CAMK1D: variants seen among roughly 807,000 people sequenced by gnomAD.
CAMK1D encodes the protein calcium/calmodulin-dependent protein kinase type 1D.
A neutral mutation model predicts 47.7 loss-of-function variants in CAMK1D; 9 were observed. That is an observed-to-expected ratio of 0.19 (90% CI 0.11 to 0.33). The LOEUF is 0.33. Ranked by LOEUF, CAMK1D falls within the 10% of genes least tolerant of loss-of-function variation. The probability of loss-of-function intolerance (pLI) is 1.00; values close to 1 mark genes in which losing one functional copy is unlikely to be tolerated. For missense variants in CAMK1D, 291 were observed against 488.7 expected (o/e 0.60, Z 3.81); for synonymous variants, 184 against 184.9 (o/e 0.99, Z 0.04).
intron 7 of CAMK1D, 56 bp downstream of exon 7, chr10:12,814,363 A>C: frequency 9.0e-7 from 1 of 1,114,822 alleles, no homozygotes; most frequent in Non-Finnish European, 1.4e-6. Context: ...TTACACCCAG[A>C]CCACGTGACC....
At chr10:12,416,448 A>G (rs1038067302) in intron 1 of CAMK1D, among the ~76,000 whole-genome samples, 22 of 152,212 alleles carry the variant, frequency 1.4e-4, no homozygotes, top group Admixed American at 1.4e-3. Context: ...TTGGAAAAAG[A>G]GTGTAGCACA....
intron 2 of CAMK1D, among the ~76,000 whole-genome samples, chr10:12,594,523 GAC>G (rs1838087980): frequency 6.6e-6 from 1 of 152,184 alleles, no homozygotes; most frequent in Non-Finnish European, 1.5e-5. Context: ...CCAAGAGTCA[GAC>G]AGAATGTGGA....
intron 1 of CAMK1D, among the ~76,000 whole-genome samples, chr10:12,517,668 A>C (rs139666350): frequency 6.6e-6 from 1 of 152,338 alleles, no homozygotes; most frequent in East Asian, 1.9e-4. Context: ...ATGGTAGATT[A>C]TATCGGTTGA....
At chr10:12,756,532 T>C (rs1248097691) in intron 3 of CAMK1D, among the ~76,000 whole-genome samples, 1 of 152,228 alleles carries the variant, frequency 6.6e-6, no homozygotes, top group Admixed American at 6.5e-5. Context: ...CATACTGAAA[T>C]TTTACTGAGA....
intron 2 of CAMK1D, among the ~76,000 whole-genome samples, chr10:12,562,235 G>A (rs1220343277): frequency 6.6e-6 from 1 of 152,084 alleles, no homozygotes; most frequent in African/African-American, 2.4e-5. Context: ...GGGAGGTGAA[G>A]AGACCACCCC....
intron 1 of CAMK1D, among the ~76,000 whole-genome samples, chr10:12,405,766 C>A (rs1839400324): frequency 6.6e-6 from 1 of 152,182 alleles, no homozygotes; most frequent in Non-Finnish European, 1.5e-5. Flanking sequence ...ATTGTTTAAT[C>A]TGCTTTACAA....
At chr10:12,810,858 G>C (rs796476481) in intron 6 of CAMK1D, among the ~76,000 whole-genome samples, 26 of 152,366 alleles carry the variant, frequency 1.7e-4, no homozygotes, top group African/African-American at 6.3e-4. Context: ...TTTAAAAAGA[G>C]GGATGTGCAA....
intron 4 of CAMK1D, 24 bp downstream of exon 4, chr10:12,761,110 C>CCTGCAGCCACT: frequency 6.2e-7 from 1 of 1,607,734 alleles, no homozygotes; most frequent in South Asian, 1.1e-5. Context: ...TCAGCAGCAT[C>CCTGCAGCCACT]CTGCAGCCAC....
chr10:12,782,981 G>GTTTTT (rs869155068), intron 5 of CAMK1D, among the ~76,000 whole-genome samples: 8 of 134,928 alleles, frequency 5.9e-5, no homozygotes, highest in African/African-American at 1.9e-4. Context: ...AGTATTTTCA[G>GTTTTT]TTTTTTTTTT....
chr10:12,430,818 T>C (rs913365333), intron 1 of CAMK1D, among the ~76,000 whole-genome samples: 1 of 152,190 alleles, frequency 6.6e-6, no homozygotes, highest in African/African-American at 2.4e-5. Context: ...TGGTGCAATC[T>C]CAGCTCACTG....
chr10:12,607,091 G>C (rs1838484103), intron 2 of CAMK1D, among the ~76,000 whole-genome samples: 1 of 152,112 alleles, frequency 6.6e-6, no homozygotes. Context: ...CTCCCAAAGT[G>C]CTGGGATTAT....
In CAMK1D at chr10:12,427,927, C is replaced by T. The variant is rs574465209; in HGVS notation, c.92+78017C>T. 4.2e-4 allele frequency among the ~76,000 whole-genome samples: 63 copies of T among 151,542 alleles called. No homozygotes were observed. In the East Asian group the frequency reaches 0.01, roughly 24 times the overall value. The stretch of plus-strand genomic sequence containing the variant: ...TTCACCATGTTAGCCAGGATGGTCT[C>T]GATCTCCTGACCTTGTGATCCTCCC... On this transcript the variant is annotated intron_variant, in intron 1 of 10. Coordinates refer to ENST00000619168, the MANE Select transcript of CAMK1D (RefSeq NM_153498.4).
rs141010441 is a variant in CAMK1D, at chr10:12,421,019, C to T, written c.92+71109C>T. Among the ~76,000 whole-genome samples, 194 of 152,270 alleles carry T rather than the reference C, an allele frequency of 1.3e-3. 1 individual carries two copies. Among genetic ancestry groups the T allele is most frequent in the African/African-American group, 4.6e-3 (191 of 41,548 alleles). On this transcript the variant is annotated intron_variant, in intron 1 of 10. Transcript: ENST00000619168. Reference sequence around the variant, plus strand: ...TCCTTCTTGCTGGTTTGAACAGCACCACTCAGAGTCTTGCAGGCTGTATCA... The same window carrying T: ...TCCTTCTTGCTGGTTTGAACAGCACTACTCAGAGTCTTGCAGGCTGTATCA...
intron 1 of CAMK1D, among the ~76,000 whole-genome samples, chr10:12,350,997 C>CT (rs368509063): frequency 6.6e-6 from 1 of 152,132 alleles, no homozygotes; most frequent in Non-Finnish European, 1.5e-5. Flanking sequence ...TTCCTTCCTC[C>CT]TTTTTTTCCG....
intron 2 of CAMK1D, among the ~76,000 whole-genome samples, chr10:12,637,987 C>T (rs911181749): frequency 1.3e-5 from 2 of 152,168 alleles, no homozygotes; most frequent in African/African-American, 4.8e-5. Flanking sequence ...CTCATCCTAT[C>T]CCCACCCTGA....
intron 6 of CAMK1D, among the ~76,000 whole-genome samples, chr10:12,810,955 T>C (rs1405615303): frequency 6.6e-6 from 1 of 152,152 alleles, no homozygotes; most frequent in Non-Finnish European, 1.5e-5. Context: ...TGTGAGCACC[T>C]CTAGACCCAG....
At chr10:12,522,160 C>CTGCCTTCT (rs1451477593) in intron 1 of CAMK1D, among the ~76,000 whole-genome samples, 2 of 149,306 alleles carry the variant, frequency 1.3e-5, no homozygotes, top group African/African-American at 4.9e-5. Flanking sequence ...TCACCCTTTC[C>CTGCCTTCT]TGCCTTCTTT....
At chr10:12,474,199 CTT>C (rs35554522) in intron 1 of CAMK1D, among the ~76,000 whole-genome samples, 17 of 119,330 alleles carry the variant, frequency 1.4e-4, no homozygotes, top group Admixed American at 4.5e-4. Context: ...GAGGATCGTT[CTT>C]TTTTTTTTTT....
At chr10:12,589,608 C>A (rs1460395312) in intron 2 of CAMK1D, among the ~76,000 whole-genome samples, 1 of 152,158 alleles carries the variant, frequency 6.6e-6, no homozygotes, top group African/African-American at 2.4e-5. Flanking sequence ...CTTCCCTGGC[C>A]CTTTTCTTAC....
Sources: allele counts gnomAD v4.1 joint callset (sites outside exome capture counted in the v4.1 genomes callset), GRCh38; gene constraint gnomAD v4.1.1; transcripts MANE v1.5; gene names NCBI Gene and HGNC (gene_info 2026-07-23, HGNC 2026-07-21).